The following NAB1 variants were observed in gnomAD, a reference collection of about 807,000 sequenced individuals.
NAB1 encodes the protein NGFI-A binding protein 1.
A neutral mutation model predicts 49.9 loss-of-function variants in NAB1; 25 were observed. That is an observed-to-expected ratio of 0.50 (90% confidence interval 0.37 to 0.70). The LOEUF is 0.70. NAB1 is among the 30% of genes least tolerant of loss of function. The probability of loss-of-function intolerance (pLI) is 0.00; values close to 1 mark genes in which losing one functional copy is unlikely to be tolerated. For missense variants in NAB1, 489 were observed against 575.9 expected (o/e 0.85, Z 1.54); for synonymous variants, 198 against 215.6 (o/e 0.92, Z 0.71).
At chr2:190,662,309 T>C (rs145119138) in intron 4 of NAB1, among the ~76,000 whole-genome samples, 114 of 152,290 alleles carry the variant, frequency 7.5e-4, no homozygotes, top group African/African-American at 2.6e-3. Context: ...AAATATTTGT[T>C]TATATATTTA....
In NAB1 at chr2:190,684,838, T is replaced by C. The variant is rs1695524655; in HGVS notation, c.1096-638T>C. Among the ~76,000 whole-genome samples the C allele has an allele frequency of 6.6e-6, 1 of 152,218 alleles. No homozygotes were observed. The highest frequency in any genetic ancestry group is 2.4e-5 in the African/African-American group (1 of 41,458). ...CTTATAAAACACATACAGAGATAAATTTATATGTCAGTTGACTAATTGTAT... is the reference window on the plus strand; with the variant it reads ...CTTATAAAACACATACAGAGATAAACTTATATGTCAGTTGACTAATTGTAT... On this transcript the variant is annotated intron_variant, in intron 7 of 9. Transcript: ENST00000337386. This position sits in a 1 kb window ranked among gnomAD's most constrained non-coding sequence, Gnocchi z 4.6.
rs1311218473 is a variant in NAB1 at position 190,689,257 on chromosome 2, G to T, written c.1376-988G>T. On this transcript the variant is annotated intron_variant, in intron 9 of 9. Coordinates refer to ENST00000337386, the MANE Select transcript of NAB1 (RefSeq NM_005966.4). The surrounding 1 kb of genome is among the most constrained non-coding windows in gnomAD (Gnocchi z 4.3). Reference sequence around the variant, plus strand: ...TTACTTAAGTACTCGTCCTTCAGTTGCTTCATTGGTAAAAGAGAAGTAATT... The same window carrying T: ...TTACTTAAGTACTCGTCCTTCAGTTTCTTCATTGGTAAAAGAGAAGTAATT... Among the ~76,000 whole-genome samples the T allele has an allele frequency of 6.6e-6, 1 of 152,148 alleles. No individual in the cohort carries two copies. Among genetic ancestry groups the T allele is most frequent in the Non-Finnish European group, 1.5e-5 (1 of 68,022 alleles).
intron 2 of NAB1, among the ~76,000 whole-genome samples, 153 bp from the exon 3 acceptor site, chr2:190,655,824 G>C (rs1445915393): frequency 6.6e-6 from 1 of 152,196 alleles, no homozygotes; most frequent in African/African-American, 2.4e-5. Flanking sequence ...GGTGACTGAT[G>C]CTACCCTGTA....
In NAB1 at chr2:190,677,577, ATCT is replaced by A. The variant is rs1410069272; in HGVS notation, c.1005+4429_1005+4431del. On this transcript the variant is annotated intron_variant, in intron 6 of 9. Transcript: ENST00000337386. This position sits in a 1 kb window ranked among gnomAD's most constrained non-coding sequence, Gnocchi z 5.6. The stretch of plus-strand genomic sequence containing the variant: ...TATCTTTTGAATTAGATCTAATTAA[ATCT>A]TCTCATTCTGGGGCAATTGTAAAAA... 2.0e-5 allele frequency: 3 copies of A among 152,210 alleles called. No homozygotes were observed. Among genetic ancestry groups the A allele is most frequent in the Non-Finnish European group, 4.4e-5 (3 of 68,044 alleles). 9.4% of individuals were successfully genotyped at this position (152,210 alleles called of 1,614,324 possible). A position where few individuals can be genotyped will look rare whatever the true frequency, so the allele number is the denominator to read the frequency against.
At position 190,677,343 on chromosome 2, in the gene NAB1, A is replaced by G. The variant is rs765084331; in HGVS notation, c.1005+4191A>G. 8.5e-5 allele frequency: 13 copies of G among 152,336 alleles called. No homozygotes were observed. Among genetic ancestry groups the G allele is most frequent in the Non-Finnish European group, 1.9e-4 (13 of 68,034 alleles). The allele number at this position is 152,336 out of a possible 1,614,324, so 9.4% of individuals were successfully genotyped here. A position where few individuals can be genotyped will look rare whatever the true frequency, so the allele number is the denominator to read the frequency against. ...AATTCCTAGAATATATGAGATGGAC[A>G]TGGAGAAAAAGATCGCCTGCTAGCT... is the stretch of plus-strand genomic sequence containing the variant. On this transcript the variant is annotated intron_variant, in intron 6 of 9. Coordinates refer to ENST00000337386, the MANE Select transcript of NAB1 (RefSeq NM_005966.4). This position sits in a 1 kb window ranked among gnomAD's most constrained non-coding sequence, Gnocchi z 5.6.
chr2:190,658,726 C>A (rs1165488647), intron 3 of NAB1, among the ~76,000 whole-genome samples: 1 of 152,164 alleles, frequency 6.6e-6, no homozygotes, highest in Non-Finnish European at 1.5e-5. Flanking sequence ...ATTAGACATA[C>A]GTAATGTAAA....
At chr2:190,664,526 TTTCC>T (rs112074461) in intron 4 of NAB1, among the ~76,000 whole-genome samples, 26,502 of 126,998 alleles carry the variant, frequency 0.21, 2,892 homozygotes, top group Middle Eastern at 0.27. Context: ...TCTTTTCTTT[TTTCC>T]TTCCTTCCTT....
At position 190,687,172 on chromosome 2, in the gene NAB1, T is replaced by C. The variant is rs531925358; in HGVS notation, c.1259-29T>C. 2.9e-5 allele frequency: 40 copies of C among 1,388,118 alleles called. No individual in the cohort carries two copies. The East Asian group carries it at 4.8e-4, about 17-fold the overall frequency. The allele number at this position is 1,388,118 out of a possible 1,614,324, so 86.0% of individuals were successfully genotyped here. A position where few individuals can be genotyped will look rare whatever the true frequency, so the allele number is the denominator to read the frequency against. ...AAAAACCATGGTATGTTTTTAATAT[T>C]ATGCATATTTCTTTTTTCTTTTCAT... On this transcript the variant is annotated intron_variant, in intron 8 of 9. Coordinates refer to ENST00000337386, the MANE Select transcript of NAB1 (RefSeq NM_005966.4).
Position 190,679,185 on chromosome 2 carries a change from G to T in NAB1, c.1006-4553G>T, listed in dbSNP as rs958198198. ...AGCTTACGAGACATAACGAAATTGT[G>T]CACCACACATAATGTGAAAGAGACC... On this transcript the variant is annotated intron_variant, in intron 6 of 9. Transcript: ENST00000337386. This position sits in a 1 kb window ranked among gnomAD's most constrained non-coding sequence, Gnocchi z 5.3. Among the ~76,000 whole-genome samples, 2 of 152,204 alleles carry T rather than the reference G, an allele frequency of 1.3e-5. No homozygotes were observed. Among genetic ancestry groups the T allele is most frequent in the Non-Finnish European group, 2.9e-5 (2 of 68,040 alleles).
intron 4 of NAB1, among the ~76,000 whole-genome samples, chr2:190,661,508 ATG>A (rs1694225434): frequency 6.6e-6 from 1 of 152,216 alleles, no homozygotes; most frequent in Non-Finnish European, 1.5e-5. Flanking sequence ...GTCGAAATAC[ATG>A]TGTTTTTTAT....
In NAB1 at chr2:190,678,601, T is replaced by C. The variant is rs1388771741; in HGVS notation, c.1006-5137T>C. Among the ~76,000 whole-genome samples, 1 of 146,022 alleles carries C rather than the reference T, an allele frequency of 6.8e-6. No individual in the cohort carries two copies. Among genetic ancestry groups the C allele is most frequent in the African/African-American group, 2.6e-5 (1 of 39,042 alleles). On this transcript the variant is annotated intron_variant, in intron 6 of 9. Transcript: ENST00000337386. This position sits in a 1 kb window ranked among gnomAD's most constrained non-coding sequence, Gnocchi z 4.9. Reference sequence around the variant, plus strand: ...GGATGAAAGAAATGAGGTTTGTTAATAGAGCCCAGGAAGTCAGAGAACTGG... The same window carrying C: ...GGATGAAAGAAATGAGGTTTGTTAACAGAGCCCAGGAAGTCAGAGAACTGG...
intron 4 of NAB1, among the ~76,000 whole-genome samples, chr2:190,662,073 A>G (rs896796070): frequency 4.6e-5 from 7 of 152,278 alleles, no homozygotes; most frequent in South Asian, 2.1e-4. Flanking sequence ...TTTGTACTCA[A>G]TTTCCACATA....
intron 6 of NAB1, among the ~76,000 whole-genome samples, chr2:190,681,092 G>C (rs1695317244): frequency 6.6e-6 from 1 of 152,136 alleles, no homozygotes; most frequent in Non-Finnish European, 1.5e-5. Flanking sequence ...GAAAAACAGA[G>C]CTATAATTTC....
At chr2:190,688,296 T>G (rs1246312830) in intron 9 of NAB1, among the ~76,000 whole-genome samples, 1 of 152,256 alleles carries the variant, frequency 6.6e-6, no homozygotes, top group Non-Finnish European at 1.5e-5. Flanking sequence ...GAATGAATTA[T>G]GTATTTACTA....
At position 190,691,663 on chromosome 2, in the gene NAB1, T is replaced by C. The variant is rs1266158148; in HGVS notation, c.*1330T>C. 3 of 152,300 alleles carry C rather than the reference T, an allele frequency of 2.0e-5. No individual in the cohort carries two copies. The highest frequency in any genetic ancestry group is 7.2e-5 in the African/African-American group (3 of 41,582). The allele number at this position is 152,300 out of a possible 1,614,324, so 9.4% of individuals were successfully genotyped here. A position where few individuals can be genotyped will look rare whatever the true frequency, so the allele number is the denominator to read the frequency against. The stretch of plus-strand genomic sequence containing the variant: ...TGCCAATATACGTTTTTTCTGTTGG[T>C]TTAAGAGAAGATAACTGACAGCTTT... On this transcript the variant is annotated 3_prime_UTR_variant, in exon 10 of 10. Coordinates refer to ENST00000337386, the MANE Select transcript of NAB1 (RefSeq NM_005966.4). This position sits in a 1 kb window ranked among gnomAD's most constrained non-coding sequence, Gnocchi z 4.1.
intron 3 of NAB1, among the ~76,000 whole-genome samples, chr2:190,658,447 T>G (rs1694043036): frequency 6.6e-6 from 1 of 152,204 alleles, no homozygotes; most frequent in African/African-American, 2.4e-5. Context: ...CCACAGAGTG[T>G]CAATAAATGG....
At chr2:190,688,693 A>G (rs1288103269) in intron 9 of NAB1, among the ~76,000 whole-genome samples, 1 of 152,206 alleles carries the variant, frequency 6.6e-6, no homozygotes, top group Admixed American at 6.5e-5. Flanking sequence ...TTACATAGAG[A>G]TATAATTGAT....
At position 190,652,171 on chromosome 2, in the gene NAB1, A is replaced by G. The variant is rs1411877547; in HGVS notation, c.-197+2189A>G. ...AGTAATCCTCATCTTGTGAGAATTC[A>G]CACAGCTAAAACATGCCATTAAGCT... On this transcript the variant is annotated intron_variant, in intron 2 of 9. Transcript: ENST00000337386. The surrounding 1 kb of genome is among the most constrained non-coding windows in gnomAD (Gnocchi z 4.2). Among the ~76,000 whole-genome samples the G allele has an allele frequency of 6.6e-6, 1 of 152,254 alleles. No homozygotes were observed. The highest frequency in any genetic ancestry group is 1.5e-5 in the Non-Finnish European group (1 of 68,042).
At chr2:190,655,434 G>A (rs1194427220) in intron 2 of NAB1, among the ~76,000 whole-genome samples, 1 of 152,136 alleles carries the variant, frequency 6.6e-6, no homozygotes, top group Admixed American at 6.5e-5. Context: ...CAATAGAAAA[G>A]AGATGTAATA....
Sources: allele counts gnomAD v4.1 joint callset (sites outside exome capture counted in the v4.1 genomes callset), GRCh38; gene constraint gnomAD v4.1.1; non-coding constraint Gnocchi (gnomAD v3.1); transcripts MANE v1.5; gene names NCBI Gene and HGNC (gene_info 2026-07-23, HGNC 2026-07-21).